PATJ: variants seen among roughly 807,000 people sequenced by gnomAD.
The protein encoded by PATJ is PATJ crumbs cell polarity complex component.
A neutral mutation model predicts 224.9 loss-of-function variants in PATJ; 190 were observed. The ratio of observed to expected loss-of-function variants is 0.84; its 90% CI spans 0.75 to 0.95. The LOEUF (loss-of-function observed/expected upper bound fraction) is 0.95, where lower values mean the gene tolerates loss of function less well. PATJ is among the 40% of genes least tolerant of loss of function. The probability of loss-of-function intolerance (pLI) is 0.00; values close to 1 mark genes in which losing one functional copy is unlikely to be tolerated. For missense variants in PATJ, 2,121 were observed against 2,270.3 expected, an observed-to-expected ratio of 0.93 and a Z score of 1.34; for synonymous variants, 769 against 820.3, an observed-to-expected ratio of 0.94 and a Z score of 1.07.
At chr1:61,905,818 A>G (rs1221907203) in intron 24 of PATJ, among the ~76,000 whole-genome samples, 1 of 152,180 alleles carries the variant, frequency 6.6e-6, no homozygotes, top group African/African-American at 2.4e-5. Flanking sequence ...GTTTACCCCC[A>G]TACACTAAGC....
chr1:61,773,726 G>T (rs1262932328), intron 6 of PATJ, among the ~76,000 whole-genome samples: 1 of 151,974 alleles, frequency 6.6e-6, no homozygotes, highest in African/African-American at 2.4e-5. Flanking sequence ...GGCGGAGGTT[G>T]CAGTGAGCTA....
chr1:62,086,235 T>TGTGTGTGTGTGTGTGTGTGC lies in PATJ; in HGVS notation c.4377+1595_4377+1596insGTGTGTGTGTGCGTGTGTGT, dbSNP rs1659958606. Among the ~76,000 whole-genome samples the TGTGTGTGTGTGTGTGTGTGC allele has an allele frequency of 6.6e-6, 1 of 152,070 alleles. No individual in the cohort carries two copies. The highest frequency in any genetic ancestry group is 2.4e-5 in the African/African-American group (1 of 41,400). ...GATGTGATTAATTAATGCATGTGTG[T>TGTGTGTGTGTGTGTGTGTGC]GTGTGTGTATGTGTGTGTGTGTGTT... On this transcript the variant is annotated intron_variant, in intron 33 of 43. Transcript: ENST00000642238. The surrounding 1 kb of genome is among the most constrained non-coding windows in gnomAD (Gnocchi z 4.0).
At chr1:61,811,800 G>A (rs1383412442) in intron 14 of PATJ, among the ~76,000 whole-genome samples, 1 of 150,742 alleles carries the variant, frequency 6.6e-6, no homozygotes, top group Non-Finnish European at 1.5e-5. Context: ...GGTGGCTCAC[G>A]CCTGTAATCC....
At chr1:61,749,724 T>C (rs1161379408) in intron 1 of PATJ, among the ~76,000 whole-genome samples, 2 of 151,766 alleles carry the variant, frequency 1.3e-5, no homozygotes, top group African/African-American at 4.8e-5. Flanking sequence ...TTGCCCAGGC[T>C]ATGGAGTGCA....
intron 7 of PATJ, among the ~76,000 whole-genome samples, chr1:61,778,253 C>T (rs1428071975): frequency 2.6e-5 from 4 of 152,176 alleles, no homozygotes; most frequent in South Asian, 2.1e-4. Flanking sequence ...TGGCCTGAAG[C>T]GATCTTCCTG....
chr1:62,079,172 T>C (rs1042088857), intron 31 of PATJ, among the ~76,000 whole-genome samples: 14 of 152,120 alleles, frequency 9.2e-5, no homozygotes, highest in Non-Finnish European at 1.9e-4. Context: ...CACCCCCAGC[T>C]TCATGTACAG....
At chr1:61,838,283 T>C (rs998131722) in intron 17 of PATJ, among the ~76,000 whole-genome samples, 1 of 152,164 alleles carries the variant, frequency 6.6e-6, no homozygotes, top group Non-Finnish European at 1.5e-5. Context: ...TCATGCCTTA[T>C]AGGATTGTGT....
intron 21 of PATJ, among the ~76,000 whole-genome samples, chr1:61,881,371 G>A (rs1219963662): frequency 6.7e-6 from 1 of 148,218 alleles, no homozygotes; most frequent in Non-Finnish European, 1.5e-5. Context: ...TATGGGGGCA[G>A]CTTCCCAGGA....
chr1:62,034,670 C>T (rs1570231045), intron 29 of PATJ, among the ~76,000 whole-genome samples: 1 of 152,002 alleles, frequency 6.6e-6, no homozygotes, highest in Non-Finnish European at 1.5e-5. Context: ...TGACCACTAA[C>T]CATTAAGTAG....
chr1:62,099,548 G>C (rs942291562), intron 33 of PATJ, among the ~76,000 whole-genome samples: 2 of 151,590 alleles, frequency 1.3e-5, no homozygotes, highest in Non-Finnish European at 2.9e-5. Context: ...GTATGTGTAG[G>C]GAGTGCAGGT....
intron 22 of PATJ, among the ~76,000 whole-genome samples, chr1:61,886,019 G>A (rs1571114051): frequency 6.6e-6 from 1 of 151,202 alleles, no homozygotes; most frequent in African/African-American, 2.4e-5. Context: ...ACACTCTGGG[G>A]ACTGTTGTGG....
chr1:61,948,233 A>G (rs1227600968), intron 27 of PATJ, among the ~76,000 whole-genome samples: 1 of 152,208 alleles, frequency 6.6e-6, no homozygotes, highest in Non-Finnish European at 1.5e-5. Flanking sequence ...TAAACTAAAG[A>G]GCTTCTACAC....
At chr1:61,876,149 T>G (rs1667303848) in intron 21 of PATJ, among the ~76,000 whole-genome samples, 1 of 152,152 alleles carries the variant, frequency 6.6e-6, no homozygotes, top group African/African-American at 2.4e-5. Flanking sequence ...TATATGAGAT[T>G]AGGATTCTAT....
chr1:61,791,501 TC>T (rs1413079768), intron 9 of PATJ, 54 bp downstream of exon 9: 9 of 1,119,332 alleles, frequency 8.0e-6, no homozygotes, highest in Non-Finnish European at 1.2e-5. Context: ...TGTTAAGGTT[TC>T]TAGATAGTGA....
intron 41 of PATJ, among the ~76,000 whole-genome samples, chr1:62,129,320 AAAGG>A (rs1464170149): frequency 1.3e-5 from 2 of 152,232 alleles, no homozygotes; most frequent in Non-Finnish European, 2.9e-5. Flanking sequence ...TTTTCCCCTT[AAAGG>A]AAGAGGAAAA....
intron 29 of PATJ, among the ~76,000 whole-genome samples, chr1:62,026,972 A>G (rs1648082873): frequency 1.3e-5 from 2 of 152,214 alleles, no homozygotes; most frequent in African/African-American, 4.8e-5. Flanking sequence ...AGTATAACAT[A>G]TAACACAAAA....
chr1:61,812,007 G>T (rs759810682), intron 14 of PATJ, among the ~76,000 whole-genome samples: 14 of 151,650 alleles, frequency 9.2e-5, no homozygotes, highest in Non-Finnish European at 1.9e-4. Flanking sequence ...CTTGCAGTGA[G>T]CCGAGATCAC....
intron 28 of PATJ, among the ~76,000 whole-genome samples, chr1:62,005,742 G>T (rs1478401334): frequency 6.6e-6 from 1 of 152,014 alleles, no homozygotes; most frequent in Non-Finnish European, 1.5e-5. Context: ...CTCCAGCCTG[G>T]ACAACAGAAC....
intron 31 of PATJ, chr1:62,079,009 T>G (rs1658807379): frequency 6.5e-6 from 1 of 153,412 alleles, no homozygotes; most frequent in African/African-American, 2.4e-5. Context: ...CCAGAAGAAA[T>G]GGACAGTGTT....
Sources: allele counts gnomAD v4.1 joint callset (sites outside exome capture counted in the v4.1 genomes callset), GRCh38; gene constraint gnomAD v4.1.1; non-coding constraint Gnocchi (gnomAD v3.1); transcripts MANE v1.5; gene names NCBI Gene and HGNC (gene_info 2026-07-23, HGNC 2026-07-21).